The following CAMTA1 variants were observed in gnomAD, a reference collection of about 807,000 sequenced individuals.
CAMTA1 encodes the protein calmodulin-binding transcription activator 1.
Under a neutral mutation model 170.9 loss-of-function variants are expected in CAMTA1, and 27 were observed. The ratio of observed to expected loss-of-function variants is 0.16; its 90% CI spans 0.12 to 0.22. The LOEUF (loss-of-function observed/expected upper bound fraction) is 0.22, where lower values mean the gene tolerates loss of function less well. Among genes scored for constraint, CAMTA1 ranks in the 10% least tolerant of loss-of-function variants. The pLI is 1.00. For missense variants in CAMTA1, 1,619 were observed against 2,217.2 expected (o/e 0.73, Z 5.42); for synonymous variants, 833 against 891.5 (o/e 0.93, Z 1.17).
At chr1:7,539,860 G>C (rs373373979) in intron 6 of CAMTA1, among the ~76,000 whole-genome samples, 2 of 152,222 alleles carry the variant, frequency 1.3e-5, no homozygotes, top group Non-Finnish European at 2.9e-5. Flanking sequence ...GAGAACTAGC[G>C]GGCCAGGTAG....
At chr1:6,854,580 C>T (rs1661588944) in intron 3 of CAMTA1, among the ~76,000 whole-genome samples, 2 of 152,204 alleles carry the variant, frequency 1.3e-5, no homozygotes, top group Admixed American at 1.3e-4. Flanking sequence ...CACCCAATAA[C>T]TGTAGACTGT....
chr1:6,794,880 C>CTTTTTTTTTTTTTTTTTTTTTT (rs1305335139), intron 1 of CAMTA1, among the ~76,000 whole-genome samples: 1 of 141,902 alleles, frequency 7.0e-6, no homozygotes. Flanking sequence ...TAGATAAAGG[C>CTTTTTTTTTTTTTTTTTTTTTT]TTTTTTTTTG....
At chr1:7,677,269 G>A (rs2096130606) in intron 10 of CAMTA1, among the ~76,000 whole-genome samples, 2 of 152,228 alleles carry the variant, frequency 1.3e-5, no homozygotes, top group East Asian at 1.9e-4. Flanking sequence ...CAGCCATGAG[G>A]CAGGGATGGG....
intron 6 of CAMTA1, among the ~76,000 whole-genome samples, chr1:7,525,544 G>A (rs1010857938): frequency 6.6e-5 from 10 of 152,076 alleles, no homozygotes; most frequent in Admixed American, 6.6e-4. Context: ...CACAGAATTG[G>A]AGAGTTGCCG....
intron 6 of CAMTA1, among the ~76,000 whole-genome samples, chr1:7,569,471 C>T (rs1439865061): frequency 6.6e-6 from 1 of 151,470 alleles, no homozygotes; most frequent in African/African-American, 2.4e-5. Context: ...TCAGTATCTC[C>T]ATCATCATCA....
At chr1:7,447,958 A>G (rs1050779575) in intron 5 of CAMTA1, among the ~76,000 whole-genome samples, 15 of 152,178 alleles carry the variant, frequency 9.9e-5, no homozygotes, top group Admixed American at 7.9e-4. Flanking sequence ...GGTTGGTCTG[A>G]CCTCAGAGCC....
chr1:7,165,582 C>T (rs1648225615), intron 4 of CAMTA1, among the ~76,000 whole-genome samples: 1 of 152,126 alleles, frequency 6.6e-6, no homozygotes, highest in African/African-American at 2.4e-5. Flanking sequence ...CAGGCACGCA[C>T]CACCATGCCT....
chr1:7,583,490 C>T (rs774283550), intron 6 of CAMTA1, among the ~76,000 whole-genome samples: 18 of 152,108 alleles, frequency 1.2e-4, no homozygotes, highest in African/African-American at 1.7e-4. Flanking sequence ...CTCTGGTGGA[C>T]CGGGCTGCAC....
chr1:7,090,456 G>T (rs999721332), intron 3 of CAMTA1, among the ~76,000 whole-genome samples: 1 of 152,176 alleles, frequency 6.6e-6, no homozygotes, highest in African/African-American at 2.4e-5. Flanking sequence ...AGGGAGACAT[G>T]TACTAGTCCA....
At chr1:7,223,232 T>G (rs1407580007) in intron 4 of CAMTA1, among the ~76,000 whole-genome samples, 1 of 150,230 alleles carries the variant, frequency 6.7e-6, no homozygotes, top group Non-Finnish European at 1.5e-5. Context: ...TTCCTACATG[T>G]GTATGTCAGG....
At chr1:7,707,174 G>A (rs905381071) in intron 11 of CAMTA1, among the ~76,000 whole-genome samples, 2 of 152,094 alleles carry the variant, frequency 1.3e-5, no homozygotes, top group Non-Finnish European at 2.9e-5. Flanking sequence ...GTGAGCCACC[G>A]TGCCTGGCCC....
chr1:6,940,963 A>AGGGGGAGGGGAGATCCTCATG (rs1686482654), intron 3 of CAMTA1, among the ~76,000 whole-genome samples: 1 of 392 alleles, frequency 2.6e-3, no homozygotes, highest in Non-Finnish European at 3.9e-3. Context: ...GGATCCTTGC[A>AGGGGGAGGGGAGATCCTCATG]AGGTGGGGGG....
chr1:7,460,885 G>T (rs970896103), intron 5 of CAMTA1, among the ~76,000 whole-genome samples: 1 of 152,152 alleles, frequency 6.6e-6, no homozygotes, highest in African/African-American at 2.4e-5. Flanking sequence ...GATGGGCCCA[G>T]TGGAGTCTCT....
chr1:7,240,573 G>T (rs534653967), intron 4 of CAMTA1, among the ~76,000 whole-genome samples: 113 of 150,276 alleles, frequency 7.5e-4, no homozygotes, highest in Non-Finnish European at 6.1e-4. Context: ...CCAGGCTGGA[G>T]TGCAGTGGTG....
intron 6 of CAMTA1, among the ~76,000 whole-genome samples, chr1:7,499,316 G>A (rs1270316753): frequency 1.4e-5 from 2 of 146,380 alleles, no homozygotes; most frequent in Admixed American, 6.8e-5. Flanking sequence ...ATGAGTGTGT[G>A]TGCATGTGTG....
At chr1:7,385,092 A>ATTT (rs34254610) in intron 5 of CAMTA1, among the ~76,000 whole-genome samples, 5,413 of 140,178 alleles carry the variant, frequency 0.039, 363 homozygotes, top group African/African-American at 0.12. Context: ...CCTGTTCACT[A>ATTT]TTTTTTTTTT....
At chr1:7,088,281 C>T (rs374435833) in intron 3 of CAMTA1, among the ~76,000 whole-genome samples, 3 of 152,110 alleles carry the variant, frequency 2.0e-5, no homozygotes, top group Admixed American at 6.5e-5. Flanking sequence ...GAGGGAGTGG[C>T]GGGTGATGTA....
rs886043243 is a variant in CAMTA1 at position 7,745,021 on chromosome 1, C to T, written c.4369C>T (p.Arg1457Ter). The T allele has an allele frequency of 6.2e-7, 1 of 1,609,790 alleles. No individual in the cohort carries two copies. The highest frequency in any genetic ancestry group is 8.5e-7 in the Non-Finnish European group (1 of 1,178,042). Residue 1457 changes from arginine (R) to a stop codon, truncating the protein, a stop_gained and splice_region_variant, in exon 17 of 23, where the codon CGA (arginine) becomes TGA (stop). Transcript: ENST00000303635. LOFTEE classifies it high-confidence loss of function. Reference sequence around the variant, plus strand: ...CTGCCTTCCCAGTGCTGCCCAGATCCGGTGAGTAAAGTTACGGAGGTCACT... The same window carrying T: ...CTGCCTTCCCAGTGCTGCCCAGATCTGGTGAGTAAAGTTACGGAGGTCACT... ...ADCLPSAAQIRSAYNEPLTPS... is the reference protein window; with the variant it reads ...ADCLPSAAQI
In CAMTA1 at chr1:7,736,024, C is replaced by G. The variant is rs74922829; in HGVS notation, c.3067-320C>G. 0.15 allele frequency among the ~76,000 whole-genome samples: 23,435 copies of G among 152,078 alleles called. 2,298 individuals are homozygous for G. Among genetic ancestry groups the G allele is most frequent in the East Asian group, 0.32 (1,649 of 5,146 alleles). On this transcript the variant is annotated intron_variant, in intron 12 of 22. Transcript: ENST00000303635. The surrounding 1 kb of genome is among the most constrained non-coding windows in gnomAD (Gnocchi z 4.5). Reference sequence around the variant, plus strand: ...TCCTGACCACAAGAGATCTGCCCGCCTCAGCCTCCCAAAGTGCTGGGATTT... The same window carrying G: ...TCCTGACCACAAGAGATCTGCCCGCGTCAGCCTCCCAAAGTGCTGGGATTT...
Sources: allele counts gnomAD v4.1 joint callset (sites outside exome capture counted in the v4.1 genomes callset), GRCh38; gene constraint gnomAD v4.1.1; non-coding constraint Gnocchi (gnomAD v3.1); transcripts MANE v1.5; gene names NCBI Gene and HGNC (gene_info 2026-07-23, HGNC 2026-07-21).